The following SCRN1 variants were observed in gnomAD, a reference collection of about 807,000 sequenced individuals.
SCRN1 encodes the protein secernin 1.
A neutral mutation model predicts 43.3 loss-of-function variants in SCRN1; 19 were observed. The ratio of observed to expected loss-of-function variants is 0.44; its 90% CI spans 0.31 to 0.64. The LOEUF (loss-of-function observed/expected upper bound fraction) is 0.64. Among genes scored for constraint, SCRN1 ranks in the 30% least tolerant of loss-of-function variants. The pLI, the probability that SCRN1 is intolerant of heterozygous loss-of-function variation, is 0.09. For missense variants in SCRN1, 447 were observed against 524.1 expected (o/e 0.85, Z 1.44); for synonymous variants, 183 against 188.9 (o/e 0.97, Z 0.26).
intron 3 of SCRN1, among the ~76,000 whole-genome samples, chr7:29,954,657 C>T (rs763726720): frequency 7.2e-5 from 11 of 152,130 alleles, no homozygotes; most frequent in African/African-American, 1.2e-4. Context: ...GATCATTATG[C>T]TTTAGTATGT....
chr7:29,926,137 C>T (rs910838031), intron 7 of SCRN1, among the ~76,000 whole-genome samples: 6 of 152,212 alleles, frequency 3.9e-5, no homozygotes, highest in Non-Finnish European at 7.3e-5. Context: ...CAATATATAA[C>T]AGTTATCCCT....
Position 29,926,694 on chromosome 7 carries a change from C to T in SCRN1, c.906-62G>A. The T allele has an allele frequency of 1.4e-6, 2 of 1,413,800 alleles. 1 individual carries two copies. Among genetic ancestry groups the T allele is most frequent in the South Asian group, 2.5e-5 (2 of 81,560 alleles). 87.6% of individuals were successfully genotyped at this position (1,413,800 alleles called of 1,614,324 possible). On this transcript the variant is annotated intron_variant, in intron 6 of 7. Coordinates refer to ENST00000242059, the MANE Select transcript of SCRN1 (RefSeq NM_014766.5). ...GCTGGGACCCGGGAACACCCAGAGACTGTCCTTTTATTCAGCAAACATTTC... is the reference window on the plus strand; with the variant it reads ...GCTGGGACCCGGGAACACCCAGAGATTGTCCTTTTATTCAGCAAACATTTC...
At chr7:29,937,358 G>A (rs953683219) in intron 5 of SCRN1, among the ~76,000 whole-genome samples, 36 of 152,220 alleles carry the variant, frequency 2.4e-4, no homozygotes, top group African/African-American at 6.5e-4. Flanking sequence ...GCAAACAAGC[G>A]GACCACAAAT....
chr7:29,932,432 C>T, intron 6 of SCRN1, among the ~76,000 whole-genome samples: 1 of 152,026 alleles, frequency 6.6e-6, no homozygotes, highest in Non-Finnish European at 1.5e-5. Flanking sequence ...GCAGGCAGAT[C>T]ACCTGAGGTC....
chr7:29,932,651 CAAAAA>C (rs1162835669), intron 6 of SCRN1, among the ~76,000 whole-genome samples: 1 of 8,018 alleles, frequency 1.2e-4, no homozygotes, highest in Non-Finnish European at 2.9e-4. Flanking sequence ...GATTCCATCT[CAAAAA>C]AAAAAAAAAA....
chr7:29,945,345 T>G (rs1193424585), intron 3 of SCRN1, among the ~76,000 whole-genome samples: 4 of 152,200 alleles, frequency 2.6e-5, no homozygotes, highest in African/African-American at 9.7e-5. Flanking sequence ...GTCTTTCCTG[T>G]GCTATTCTCG....
chr7:29,948,116 T>C (rs1271955096), intron 3 of SCRN1, among the ~76,000 whole-genome samples: 2 of 151,760 alleles, frequency 1.3e-5, no homozygotes, highest in East Asian at 1.9e-4. Flanking sequence ...GTGAAACTTT[T>C]TGACTTATCT....
intron 2 of SCRN1, among the ~76,000 whole-genome samples, chr7:29,960,766 G>A (rs1019134155): frequency 6.6e-6 from 1 of 151,958 alleles, no homozygotes; most frequent in Non-Finnish European, 1.5e-5. Context: ...TTATTCCTCT[G>A]CTTCCTCAAC....
intron 1 of SCRN1, among the ~76,000 whole-genome samples, chr7:29,977,854 T>C (rs1405985579): frequency 2.0e-5 from 3 of 152,210 alleles, no homozygotes; most frequent in African/African-American, 7.2e-5. Context: ...AGATAATGCT[T>C]ATACCTACTT....
upstream of SCRN1, chr7:29,990,245 G>A: frequency 1.3e-6 from 2 of 1,551,644 alleles, no homozygotes; most frequent in East Asian, 2.4e-5. Flanking sequence ...TACCATGTTG[G>A]TAAGCCAGAC....
rs1300789777 is a variant in SCRN1 at position 29,943,986 on chromosome 7, T to C, written c.535A>G (p.Lys179Glu). Residue 179 changes from lysine to glutamate, a missense_variant, in exon 4 of 8, where the codon AAA (lysine) becomes GAA (glutamate). Coordinates refer to ENST00000242059, the MANE Select transcript of SCRN1 (RefSeq NM_014766.5). Reference protein sequence around the residue: ...ETIGKYWAAEKVTEGVRCICS... With the variant: ...ETIGKYWAAEEVTEGVRCICS... The stretch of plus-strand genomic sequence containing the variant: ...ATCCACACCCACTCACCTGTGACTT[T>C]CTCGGCAGCCCAGTACTTCCCTATG... 3 of 1,614,152 alleles carry C rather than the reference T, an allele frequency of 1.9e-6. No homozygotes were observed. The highest frequency in any genetic ancestry group is 2.2e-5 in the East Asian group (1 of 44,880).
chr7:29,989,901 G>A, upstream of SCRN1: 1 of 1,004,390 alleles, frequency 1.0e-6, no homozygotes, highest in Non-Finnish European at 1.2e-6. Context: ...GGGCCCCGCC[G>A]CACCCCGCGC....
At position 29,921,770 on chromosome 7, in the gene SCRN1, G is replaced by A. The variant is rs978323268; in HGVS notation, c.*2187C>T. The A allele has an allele frequency of 6.6e-6, 1 of 152,220 alleles. No individual in the cohort carries two copies. Among genetic ancestry groups the A allele is most frequent in the Non-Finnish European group, 1.5e-5 (1 of 68,050 alleles). The allele number at this position is 152,220 out of a possible 1,614,324, so 9.4% of individuals were successfully genotyped here. Reference sequence around the variant, plus strand: ...TTCCCAATGGGTAATGACATAAAGCGGGTAGGGTTATCCATGGCCTTTGTT... The same window carrying A: ...TTCCCAATGGGTAATGACATAAAGCAGGTAGGGTTATCCATGGCCTTTGTT... On this transcript the variant is annotated 3_prime_UTR_variant, in exon 8 of 8. Transcript: ENST00000242059.
At chr7:29,985,715 C>T (rs79136742) in intron 1 of SCRN1, among the ~76,000 whole-genome samples, 7 of 152,328 alleles carry the variant, frequency 4.6e-5, no homozygotes, top group Non-Finnish European at 7.3e-5. Flanking sequence ...TAGATCACCA[C>T]GTAGTGTGCT....
chr7:29,979,771 A>AT (rs1302744383), intron 1 of SCRN1, among the ~76,000 whole-genome samples: 2 of 152,198 alleles, frequency 1.3e-5, no homozygotes, highest in Non-Finnish European at 2.9e-5. Flanking sequence ...TCTTGGATAC[A>AT]TTTTTTTAAA....
chr7:29,958,204 T>C (rs1280942195), intron 2 of SCRN1, among the ~76,000 whole-genome samples: 1 of 152,166 alleles, frequency 6.6e-6, no homozygotes, highest in Non-Finnish European at 1.5e-5. Flanking sequence ...AGGGCTCTTC[T>C]ATGACAGCCA....
intron 5 of SCRN1, among the ~76,000 whole-genome samples, chr7:29,938,179 C>A (rs745657358): frequency 3.3e-5 from 5 of 152,152 alleles, no homozygotes; most frequent in African/African-American, 4.8e-5. Context: ...CAGGCATGCA[C>A]CACCACGCCC....
At chr7:29,928,475 T>C (rs1787045700) in intron 6 of SCRN1, among the ~76,000 whole-genome samples, 1 of 152,186 alleles carries the variant, frequency 6.6e-6, no homozygotes. Context: ...TAATTTAATT[T>C]GAGTATTAAA....
intron 4 of SCRN1, among the ~76,000 whole-genome samples, chr7:29,942,519 G>A (rs1450747200): frequency 4.6e-5 from 7 of 152,196 alleles, no homozygotes; most frequent in Non-Finnish European, 8.8e-5. Context: ...TTGAAGCATG[G>A]ATTACTAGCA....
Sources: gnomAD v4.1 joint callset for allele counts (sites outside exome capture counted in the v4.1 genomes callset) on GRCh38, gnomAD v4.1.1 for gene constraint, MANE v1.5 for transcripts, NCBI Gene and HGNC (gene_info 2026-07-23, HGNC 2026-07-21) for gene names.